Variants in CAMK2A observed in about 807,000 individuals in gnomAD.
CAMK2A encodes calcium/calmodulin-dependent protein kinase type II subunit alpha.
CAMK2A carries 7 observed loss-of-function variants against 79.2 expected under a neutral mutation model. That is an observed-to-expected ratio of 0.09 (90% CI 0.05 to 0.17). The LOEUF is 0.17. CAMK2A is among the 10% of genes least tolerant of loss of function. The pLI is 1.00. For missense variants in CAMK2A, 214 were observed against 646.4 expected (o/e 0.33, Z 7.25); for synonymous variants, 242 against 251.7 (o/e 0.96, Z 0.36).
At chr5:150,282,043 CTG>C (rs1757235698) in intron 1 of CAMK2A, among the ~76,000 whole-genome samples, 2 of 152,210 alleles carry the variant, frequency 1.3e-5, no homozygotes, top group South Asian at 4.1e-4. Flanking sequence ...CTTCCCAGCT[CTG>C]TAAGCAGAAC....
chr5:150,275,316 C>G (rs969264564), intron 1 of CAMK2A, among the ~76,000 whole-genome samples: 1 of 152,104 alleles, frequency 6.6e-6, no homozygotes, highest in Non-Finnish European at 1.5e-5. Context: ...CCAGAGCACC[C>G]CTGCTTAGAA....
In CAMK2A at chr5:150,250,830, C is replaced by A. The variant is rs374674801; in HGVS notation, c.694-20G>T. The A allele has an allele frequency of 8.9e-5, 144 of 1,610,918 alleles. No individual in the cohort carries two copies. The highest frequency in any genetic ancestry group is 1.2e-4 in the Non-Finnish European group (139 of 1,177,588). ...TGGGAACTGGAAGGGGCAGAGAGGCCAGGTTTGCCCAGCCTGCCCCAGGCC... is the reference window on the plus strand; with the variant it reads ...TGGGAACTGGAAGGGGCAGAGAGGCAAGGTTTGCCCAGCCTGCCCCAGGCC... On this transcript the variant is annotated intron_variant, in intron 9 of 18. Coordinates refer to ENST00000671881, the MANE Select transcript of CAMK2A (RefSeq NM_015981.4).
At chr5:150,239,816 G>T in intron 13 of CAMK2A, 80 bp from the exon 14 acceptor site, 1 of 1,249,950 alleles carries the variant, frequency 8.0e-7, no homozygotes, top group Non-Finnish European at 1.2e-6. Flanking sequence ...GACAGGGGAG[G>T]TTTGGGAGGA....
intron 3 of CAMK2A, among the ~76,000 whole-genome samples, chr5:150,259,142 T>G (rs1481050453): frequency 6.6e-6 from 1 of 151,734 alleles, no homozygotes; most frequent in Non-Finnish European, 1.5e-5. Flanking sequence ...ATCGTGCCAC[T>G]GCACTACAGC....
intron 11 of CAMK2A, among the ~76,000 whole-genome samples, chr5:150,249,670 C>T (rs1755740886): frequency 6.6e-6 from 1 of 152,052 alleles, no homozygotes; most frequent in South Asian, 2.1e-4. Context: ...GCCTCAGCCT[C>T]CTGAGTAGCT....
intron 7 of CAMK2A, among the ~76,000 whole-genome samples, chr5:150,252,287 T>C (rs746428129): frequency 6.6e-6 from 1 of 152,116 alleles, no homozygotes; most frequent in Non-Finnish European, 1.5e-5. Context: ...GACAACTACC[T>C]AGCACACCTG....
At chr5:150,277,296 A>C (rs1756989471) in intron 1 of CAMK2A, among the ~76,000 whole-genome samples, 2 of 152,170 alleles carry the variant, frequency 1.3e-5, no homozygotes, top group South Asian at 4.1e-4. Context: ...GGAATTTGTA[A>C]TTTCATTTTA....
intron 6 of CAMK2A, among the ~76,000 whole-genome samples, chr5:150,255,029 T>A (rs756289193): frequency 5.9e-5 from 9 of 152,086 alleles, no homozygotes; most frequent in Non-Finnish European, 1.0e-4. Flanking sequence ...TATAGCTCCC[T>A]CCGCCTGGCT....
At chr5:150,265,885 A>G (rs1756491165) in intron 2 of CAMK2A, among the ~76,000 whole-genome samples, 1 of 151,474 alleles carries the variant, frequency 6.6e-6, no homozygotes, top group African/African-American at 2.4e-5. Flanking sequence ...GAGTGAGCTG[A>G]GATCACGCCA....
At chr5:150,263,049 T>C (rs1406206803) in intron 3 of CAMK2A, among the ~76,000 whole-genome samples, 4 of 152,216 alleles carry the variant, frequency 2.6e-5, no homozygotes, top group Non-Finnish European at 4.4e-5. Context: ...GGGGGGCAGC[T>C]TAATGATAAT....
At position 150,223,088 on chromosome 5, in the gene CAMK2A, C is replaced by A; in HGVS notation, c.1367G>T (p.Arg456Leu). 1 of 1,614,158 alleles carries A rather than the reference C, an allele frequency of 6.2e-7. No individual in the cohort carries two copies. The change falls in exon 18 of 19, where the codon CGC (arginine) becomes CTC (leucine). Residue 456 changes from arginine to leucine, a missense_variant. This residue lies in a region of CAMK2A where 123 missense variants were observed against 242.4 expected (regional missense o/e 0.51). Coordinates refer to ENST00000671881, the MANE Select transcript of CAMK2A (RefSeq NM_015981.4). This position sits in a 1 kb window ranked among gnomAD's most constrained non-coding sequence, Gnocchi z 4.1. ...TQYLDAGGIP[R>L]TAQSEETRVW... is the part of the protein sequence containing the mutation. ...ACGGGTCTCCTCCGACTGGGCGGTG[C>A]GTGGGATGCCGCCAGCGTCCAGGTA...
At chr5:150,235,771 G>A (rs991900659) in intron 15 of CAMK2A, among the ~76,000 whole-genome samples, 1 of 152,130 alleles carries the variant, frequency 6.6e-6, no homozygotes, top group African/African-American at 2.4e-5. Context: ...TTAATGTCAG[G>A]TCAGAGTCCA....
chr5:150,251,515 G>C (rs562938900), intron 9 of CAMK2A, among the ~76,000 whole-genome samples: 17 of 152,330 alleles, frequency 1.1e-4, no homozygotes, highest in Non-Finnish European at 1.8e-4. Context: ...GAGAAACCCT[G>C]GCTTGGGAGG....
Position 150,284,241 on chromosome 5 carries a change from T to C in CAMK2A, c.62+5323A>G, listed in dbSNP as rs1443022011. Among the ~76,000 whole-genome samples, 1 of 152,246 alleles carries C rather than the reference T, an allele frequency of 6.6e-6. No individual in the cohort carries two copies. Among genetic ancestry groups the C allele is most frequent in the Non-Finnish European group, 1.5e-5 (1 of 68,038 alleles). On this transcript the variant is annotated intron_variant, in intron 1 of 18. Coordinates refer to ENST00000671881, the MANE Select transcript of CAMK2A (RefSeq NM_015981.4). The surrounding 1 kb of genome is among the most constrained non-coding windows in gnomAD (Gnocchi z 5.3). Reference sequence around the variant, plus strand: ...ACAAGCCCTGCTAGCACCATCTTGCTATCCCTGCACTGGGAGATGGACTCG... The same window carrying C: ...ACAAGCCCTGCTAGCACCATCTTGCCATCCCTGCACTGGGAGATGGACTCG...
At chr5:150,264,768 C>T (rs1177960614) in intron 3 of CAMK2A, among the ~76,000 whole-genome samples, 188 bp downstream of exon 3, 2 of 152,290 alleles carry the variant, frequency 1.3e-5, no homozygotes, top group African/African-American at 2.4e-5. Flanking sequence ...TCTTCACCTT[C>T]CCCCGAAACA....
At chr5:150,250,837 G>T in intron 9 of CAMK2A, 27 bp from the exon 10 acceptor site, 2 of 1,609,540 alleles carry the variant, frequency 1.2e-6, no homozygotes, top group South Asian at 2.2e-5. Context: ...GGCCAGGTTT[G>T]CCCAGCCTGC....
At chr5:150,230,317 CAAAAAAAAA>C (rs1216883745) in intron 16 of CAMK2A, among the ~76,000 whole-genome samples, 2 of 60,608 alleles carry the variant, frequency 3.3e-5, no homozygotes, top group African/African-American at 6.7e-5. Context: ...GACTCCGTCT[CAAAAAAAAA>C]AAAAAAAAAA....
At chr5:150,265,110 A>G (rs1756455735) in intron 2 of CAMK2A, 95 bp from the exon 3 acceptor site, 1 of 944,542 alleles carries the variant, frequency 1.1e-6, no homozygotes, top group Admixed American at 1.9e-5. Context: ...TCCACCTCCC[A>G]GGGCAGCCCC....
rs57886187 is a variant in CAMK2A at position 150,287,937 on chromosome 5, CTGTGTGTG to C, written c.62+1619_62+1626del. Among the ~76,000 whole-genome samples, 518 of 140,874 alleles carry C rather than the reference CTGTGTGTG, an allele frequency of 3.7e-3. 2 individuals are homozygous for C. Among genetic ancestry groups the C allele is most frequent in the African/African-American group, 0.011 (431 of 37,976 alleles). 92.4% of individuals were successfully genotyped at this position (140,874 alleles called of 152,430 possible). A position where few individuals can be genotyped will look rare whatever the true frequency, so the allele number is the denominator to read the frequency against. ...GTGGTGCATGCCTGTAGGATAGCCT[CTGTGTGTG>C]TGTGTGTGTGTGTGTGTGTGTGTGT... On this transcript the variant is annotated intron_variant, in intron 1 of 18. Coordinates refer to ENST00000671881, the MANE Select transcript of CAMK2A (RefSeq NM_015981.4).
Sources: allele counts gnomAD v4.1 joint callset (sites outside exome capture counted in the v4.1 genomes callset), GRCh38; gene constraint gnomAD v4.1.1; regional missense constraint gnomAD v4.1.1; non-coding constraint Gnocchi (gnomAD v3.1); transcripts MANE v1.5; gene names NCBI Gene and HGNC (gene_info 2026-07-23, HGNC 2026-07-21).